The following RPH3AL variants were observed in gnomAD, a reference collection of about 807,000 sequenced individuals.
RPH3AL encodes rab effector Noc2.
RPH3AL carries 38 observed loss-of-function variants against 43.1 expected under a neutral mutation model. The observed-to-expected ratio is 0.88, with a 90% CI of 0.68 to 1.15. The LOEUF (loss-of-function observed/expected upper bound fraction) is 1.15. Ranked by LOEUF, RPH3AL falls within the 50% of genes most tolerant of loss-of-function variation. The pLI, the probability that RPH3AL is intolerant of heterozygous loss-of-function variation, is 0.00. For synonymous variants in RPH3AL, 189 were observed against 176.3 expected (o/e 1.07, Z -0.57); for missense variants, 462 against 423.2 (o/e 1.09, Z -0.81).
At chr17:309,983 G>A (rs999778162) in intron 5 of RPH3AL, among the ~76,000 whole-genome samples, 2 of 152,066 alleles carry the variant, frequency 1.3e-5, no homozygotes, top group African/African-American at 2.4e-5. Context: ...TGAAGACTCA[G>A]GTCATCGTTT....
At chr17:297,049 A>C (rs2043200873) in intron 5 of RPH3AL, among the ~76,000 whole-genome samples, 1 of 152,170 alleles carries the variant, frequency 6.6e-6, no homozygotes. Flanking sequence ...CTCTGCGGAG[A>C]GTTCCATCAG....
intron 5 of RPH3AL, among the ~76,000 whole-genome samples, chr17:303,114 G>A (rs752530465): frequency 6.6e-6 from 1 of 152,222 alleles, no homozygotes; most frequent in Non-Finnish European, 1.5e-5. Context: ...CAACGTAACT[G>A]TATCGTTAAG....
chr17:334,409 G>C (rs2044883852), intron 1 of RPH3AL, among the ~76,000 whole-genome samples: 1 of 152,198 alleles, frequency 6.6e-6, no homozygotes, highest in Non-Finnish European at 1.5e-5. Flanking sequence ...GTCCACTGCG[G>C]GGGGACAGGG....
chr17:240,389 C>T (rs1051817475), intron 7 of RPH3AL, among the ~76,000 whole-genome samples: 3 of 152,280 alleles, frequency 2.0e-5, no homozygotes, highest in South Asian at 2.1e-4. Context: ...GTAACCACCA[C>T]GATCTAGTTT....
chr17:262,928 C>G (rs80010101), intron 6 of RPH3AL, among the ~76,000 whole-genome samples: 1 of 152,222 alleles, frequency 6.6e-6, no homozygotes, highest in African/African-American at 2.4e-5. Context: ...CCTCTGCCCA[C>G]GACTGGCTCT....
chr17:212,693 T>A lies in RPH3AL; in HGVS notation c.*1159A>T, dbSNP rs1138504. On this transcript the variant is annotated 3_prime_UTR_variant, in exon 10 of 10. Coordinates refer to ENST00000331302, the MANE Select transcript of RPH3AL (RefSeq NM_006987.4). ...AGGCAGGAAGGATGGGAGGGTGTGA[T>A]CACCGACACACACACACACGTTCTC... 43,035 of 149,688 alleles carry A rather than the reference T, an allele frequency of 0.29. 7,481 individuals carry two copies. Among genetic ancestry groups the A allele is most frequent in the African/African-American group, 0.5 (20,623 of 41,144 alleles). 9.3% of individuals were successfully genotyped at this position (149,688 alleles called of 1,614,324 possible).
intron 7 of RPH3AL, among the ~76,000 whole-genome samples, chr17:233,852 T>TCC (rs1555534098): frequency 7.3e-6 from 1 of 137,850 alleles, no homozygotes; most frequent in Non-Finnish European, 1.5e-5. Context: ...CTGACCAACT[T>TCC]CCCTGAGCAG....
At chr17:302,455 G>A (rs1182344575) in intron 5 of RPH3AL, among the ~76,000 whole-genome samples, 3 of 152,230 alleles carry the variant, frequency 2.0e-5, no homozygotes. Context: ...CACGCCTTCA[G>A]CTGGATTTCA....
intron 1 of RPH3AL, among the ~76,000 whole-genome samples, chr17:345,885 C>G (rs2045229814): frequency 7.4e-6 from 1 of 135,196 alleles, no homozygotes; most frequent in African/African-American, 2.5e-5. Flanking sequence ...GCACACACAC[C>G]CCGACTTTGC....
intron 6 of RPH3AL, among the ~76,000 whole-genome samples, chr17:275,389 AT>A (rs1288015400): frequency 1.3e-5 from 2 of 152,100 alleles, no homozygotes; most frequent in African/African-American, 4.8e-5. Context: ...CAAGATCACA[AT>A]GTCGAATAAA....
chr17:293,526 G>C (rs537767560), intron 5 of RPH3AL, among the ~76,000 whole-genome samples: 1 of 152,118 alleles, frequency 6.6e-6, no homozygotes, highest in Non-Finnish European at 1.5e-5. Flanking sequence ...ACCCCTTCCC[G>C]GTCCTGGTTA....
At chr17:221,692 C>G (rs1459359863) in intron 7 of RPH3AL, among the ~76,000 whole-genome samples, 4 of 87,860 alleles carry the variant, frequency 4.6e-5, no homozygotes, top group South Asian at 4.2e-4. Context: ...GCTCCACTCA[C>G]TGAGACAATA....
chr17:307,434 G>T (rs970066916), intron 5 of RPH3AL, among the ~76,000 whole-genome samples: 1 of 151,822 alleles, frequency 6.6e-6, no homozygotes, highest in African/African-American at 2.4e-5. Context: ...CCCACGGCAG[G>T]TCCTCCCCAC....
intron 6 of RPH3AL, among the ~76,000 whole-genome samples, chr17:280,168 G>C (rs2042745140): frequency 1.3e-5 from 2 of 152,206 alleles, no homozygotes; most frequent in Non-Finnish European, 2.9e-5. Context: ...ACAGCCGCTT[G>C]CTGAGCTCTG....
At chr17:307,147 T>TCCTCCCCATGGCAGGC (rs2043509726) in intron 5 of RPH3AL, among the ~76,000 whole-genome samples, 1 of 147,650 alleles carries the variant, frequency 6.8e-6, no homozygotes, top group African/African-American at 2.5e-5. Context: ...CCATGGCAGG[T>TCCTCCCCATGGCAGGC]CCTCCCCATG....
chr17:286,324 C>A (rs1253018003), intron 5 of RPH3AL, among the ~76,000 whole-genome samples: 5 of 152,254 alleles, frequency 3.3e-5, no homozygotes, highest in Middle Eastern at 3.4e-3. Context: ...GCTTCCTGCT[C>A]CCCAGATCGC....
intron 4 of RPH3AL, 145 bp from the exon 5 acceptor site, chr17:319,694 GA>G: frequency 1.1e-6 from 1 of 939,158 alleles, no homozygotes; most frequent in East Asian, 2.6e-5. Context: ...GGATAACAGC[GA>G]ATCCTTCATT....
intron 5 of RPH3AL, among the ~76,000 whole-genome samples, chr17:309,984 GTCA>G (rs1164943611): frequency 1.3e-5 from 2 of 151,362 alleles, no homozygotes; most frequent in Non-Finnish European, 2.9e-5. Flanking sequence ...GAAGACTCAG[GTCA>G]TCGTTTCATA....
chr17:266,297 G>C (rs1238735032), intron 6 of RPH3AL, among the ~76,000 whole-genome samples: 2 of 150,226 alleles, frequency 1.3e-5, no homozygotes. Flanking sequence ...TCCCCAGTGG[G>C]GTGTGTGTGT....
Sources: allele counts gnomAD v4.1 joint callset (sites outside exome capture counted in the v4.1 genomes callset), GRCh38; gene constraint gnomAD v4.1.1; transcripts MANE v1.5; gene names NCBI Gene and HGNC (gene_info 2026-07-23, HGNC 2026-07-21).